Variants in ADGRL3 observed in about 807,000 individuals in gnomAD.
ADGRL3 encodes calcium-independent alpha-latrotoxin receptor 3.
In ADGRL3, 62 loss-of-function variants were observed where a neutral mutation model predicts 153.5. The observed-to-expected ratio is 0.40, with a 90% CI of 0.33 to 0.50. ADGRL3 has a LOEUF of 0.50. Among genes scored for constraint, ADGRL3 ranks in the 20% least tolerant of loss-of-function variants. The pLI is 0.47. For synonymous variants in ADGRL3, 710 were observed against 672.5 expected (o/e 1.06, Z -0.86); for missense variants, 1,641 against 1,859.4 (o/e 0.88, Z 2.16).
At chr4:61,217,544 T>C (rs2148958804) in intron 1 of ADGRL3, among the ~76,000 whole-genome samples, 1 of 152,282 alleles carries the variant, frequency 6.6e-6, no homozygotes, top group Admixed American at 6.5e-5. Context: ...TGAGTTAACG[T>C]AGAGAATGTT....
chr4:61,792,987 A>C (rs1211300749), intron 8 of ADGRL3, among the ~76,000 whole-genome samples: 6 of 152,096 alleles, frequency 3.9e-5, no homozygotes. Context: ...TACCAAAAAA[A>C]AAAAAAAAGT....
At chr4:61,915,373 C>A (rs2098740765) in intron 13 of ADGRL3, among the ~76,000 whole-genome samples, 1 of 150,738 alleles carries the variant, frequency 6.6e-6, no homozygotes, top group South Asian at 2.1e-4. Context: ...GTAGAGAAAT[C>A]AAAATATCCT....
intron 1 of ADGRL3, among the ~76,000 whole-genome samples, chr4:61,276,202 T>C (rs1175540442): frequency 6.6e-6 from 1 of 152,150 alleles, no homozygotes; most frequent in Non-Finnish European, 1.5e-5. Flanking sequence ...CTTTAGTATG[T>C]TGACATCCTC....
chr4:61,924,007 A>C (rs1299484191), intron 13 of ADGRL3, among the ~76,000 whole-genome samples: 1 of 152,104 alleles, frequency 6.6e-6, no homozygotes, highest in African/African-American at 2.4e-5. Flanking sequence ...ACACTTTTCA[A>C]CATTTGCCGT....
Position 62,067,466 on chromosome 4 carries a change from CCT to C in ADGRL3, c.3815-696_3815-695del, listed in dbSNP as rs1429909538. Among the ~76,000 whole-genome samples the C allele has an allele frequency of 5.3e-5, 8 of 152,012 alleles. No individual in the cohort carries two copies. The South Asian group carries it at 6.2e-4, about 12-fold the overall frequency. On this transcript the variant is annotated intron_variant, in intron 25 of 26. Coordinates refer to ENST00000683033, the MANE Select transcript of ADGRL3 (RefSeq NM_001387552.1). ...CTAATATTGTTGGTTGCGTTTTTCCCCTCTCACATTTTCTGTATTCAGAATAA... is the reference window on the plus strand; with the variant it reads ...CTAATATTGTTGGTTGCGTTTTTCCCCTCACATTTTCTGTATTCAGAATAA...
chr4:61,273,073 C>T (rs887434195), intron 1 of ADGRL3, among the ~76,000 whole-genome samples: 15 of 152,110 alleles, frequency 9.9e-5, no homozygotes, highest in African/African-American at 3.1e-4. Context: ...TGTTGTGAGA[C>T]TGGAATGAGT....
Position 61,789,726 on chromosome 4 carries a change from G to A in ADGRL3, c.1400-24083G>A, listed in dbSNP as rs145266169. Among the ~76,000 whole-genome samples the A allele has an allele frequency of 7.5e-4, 114 of 152,250 alleles. 1 individual carries two copies. The highest frequency in any genetic ancestry group is 2.6e-3 in the African/African-American group (108 of 41,560). On this transcript the variant is annotated intron_variant, in intron 8 of 26. Coordinates refer to ENST00000683033, the MANE Select transcript of ADGRL3 (RefSeq NM_001387552.1). ...AATAAGTCTCCATTACTAGCGAAGT[G>A]TAATTAATGTTTAATCAGTATTTTC...
intron 17 of ADGRL3, 94 bp from the exon 18 acceptor site, chr4:61,979,469 T>G (rs560025212): frequency 1.0e-6 from 1 of 991,542 alleles, no homozygotes; most frequent in African/African-American, 1.6e-5. Flanking sequence ...TTTTGTGCAT[T>G]ATTACTATCA....
chr4:61,747,275 A>G (rs1345146637), intron 8 of ADGRL3, among the ~76,000 whole-genome samples: 1 of 150,086 alleles, frequency 6.7e-6, no homozygotes, highest in Non-Finnish European at 1.5e-5. Flanking sequence ...ATTCTACCAG[A>G]GGTACAAGGA....
chr4:61,824,224 C>A lies in ADGRL3; in HGVS notation c.1480+10335C>A, dbSNP rs568979684. ...TGAAGACATATCTACTATTTACTCA[C>A]CAAGTGACAAATAATTTTTTGTGTG... On this transcript the variant is annotated intron_variant, in intron 9 of 26. Transcript: ENST00000683033. Among the ~76,000 whole-genome samples the A allele has an allele frequency of 3.3e-5, 5 of 152,204 alleles. 1 individual carries two copies. In the East Asian group the frequency reaches 9.7e-4, roughly 29 times the overall value.
chr4:61,580,251 T>A (rs2098918266), intron 4 of ADGRL3, among the ~76,000 whole-genome samples: 1 of 152,110 alleles, frequency 6.6e-6, no homozygotes, highest in Non-Finnish European at 1.5e-5. Context: ...GTTTCATTTT[T>A]ATTTTTTAAT....
At chr4:61,814,536 C>G (rs1246301234) in intron 9 of ADGRL3, among the ~76,000 whole-genome samples, 1 of 152,118 alleles carries the variant, frequency 6.6e-6, no homozygotes, top group Non-Finnish European at 1.5e-5. Context: ...GTTCTCACAG[C>G]TGATATGTGG....
chr4:61,237,126 T>C (rs1048860587), intron 1 of ADGRL3, among the ~76,000 whole-genome samples: 1 of 152,140 alleles, frequency 6.6e-6, no homozygotes, highest in Non-Finnish European at 1.5e-5. Context: ...TTCCCTATAG[T>C]GTTTTCTTTT....
At chr4:61,922,469 T>C (rs1326492549) in intron 13 of ADGRL3, among the ~76,000 whole-genome samples, 2 of 152,154 alleles carry the variant, frequency 1.3e-5, no homozygotes, top group Non-Finnish European at 2.9e-5. Context: ...GAACCAATGT[T>C]AATATATTAT....
chr4:62,038,896 A>G lies in ADGRL3; in HGVS notation c.3717+1040A>G, dbSNP rs868548460. ...AGTGCTGGAATTATAGTTGTGAGTC[A>G]CCCAGACTAGTGTTTTTAAGATTGC... On this transcript the variant is annotated intron_variant, in intron 24 of 26. Transcript: ENST00000683033. 6.6e-5 allele frequency among the ~76,000 whole-genome samples: 10 copies of G among 152,240 alleles called. No individual in the cohort carries two copies. In the South Asian group the frequency reaches 1.0e-3, roughly 16 times the overall value.
chr4:61,583,539 T>G (rs775655711), intron 4 of ADGRL3: 7 of 353,156 alleles, frequency 2.0e-5, no homozygotes, highest in Non-Finnish European at 4.0e-5. Flanking sequence ...TATTTGATAT[T>G]TATATTTTAT....
At chr4:61,314,762 C>G (rs1036201277) in intron 1 of ADGRL3, among the ~76,000 whole-genome samples, 1 of 152,128 alleles carries the variant, frequency 6.6e-6, no homozygotes, top group Non-Finnish European at 1.5e-5. Flanking sequence ...GGTGGTAATA[C>G]TGGAATCTAG....
At chr4:61,219,546 C>T (rs1367003474) in intron 1 of ADGRL3, among the ~76,000 whole-genome samples, 4 of 152,000 alleles carry the variant, frequency 2.6e-5, no homozygotes, top group East Asian at 3.9e-4. Context: ...ATTCCTGTTT[C>T]GATGATACCT....
chr4:61,219,702 C>T (rs1006731569), intron 1 of ADGRL3, among the ~76,000 whole-genome samples: 12 of 152,094 alleles, frequency 7.9e-5, no homozygotes, highest in African/African-American at 2.4e-4. Flanking sequence ...TTATTTTCCC[C>T]GTGTTCTGCC....
Sources: allele counts gnomAD v4.1 joint callset (sites outside exome capture counted in the v4.1 genomes callset), GRCh38; gene constraint gnomAD v4.1.1; transcripts MANE v1.5; gene names NCBI Gene and HGNC (gene_info 2026-07-23, HGNC 2026-07-21).